The following SBF2 variants were observed in gnomAD, a reference collection of about 807,000 sequenced individuals.
The protein encoded by SBF2 is myotubularin-related protein 13.
Under a neutral mutation model 225.2 loss-of-function variants are expected in SBF2, and 112 were observed. The ratio of observed to expected loss-of-function variants is 0.50; its 90% CI spans 0.43 to 0.58. The LOEUF (loss-of-function observed/expected upper bound fraction) is 0.58. SBF2 is among the 20% of genes least tolerant of loss of function. The pLI is 0.00. For synonymous variants in SBF2, 763 were observed against 773.3 expected (o/e 0.99, Z 0.22); for missense variants, 1,996 against 2,206.2 (o/e 0.90, Z 1.91).
intron 2 of SBF2, among the ~76,000 whole-genome samples, chr11:10,179,235 T>C (rs56763303): frequency 0.09 from 13,565 of 150,328 alleles, 838 homozygotes; most frequent in East Asian, 0.27. Flanking sequence ...GGGAGATATA[T>C]CTAATGCTAG....
intron 26 of SBF2, among the ~76,000 whole-genome samples, chr11:9,833,750 TAACATAAAA>T (rs1258202344): frequency 3.5e-4 from 51 of 147,450 alleles, no homozygotes; most frequent in Non-Finnish European, 6.1e-4. Context: ...AAAATATACC[TAACATAAAA>T]TTTATCATGC....
chr11:10,242,994 G>A (rs909538235), intron 1 of SBF2, among the ~76,000 whole-genome samples: 2 of 152,056 alleles, frequency 1.3e-5, no homozygotes, highest in African/African-American at 4.8e-5. Context: ...CTAACAGACA[G>A]ATATAAAACA....
chr11:10,228,044 G>T (rs1215044950), intron 1 of SBF2, among the ~76,000 whole-genome samples: 1 of 151,222 alleles, frequency 6.6e-6, no homozygotes, highest in African/African-American at 2.4e-5. Context: ...CACATCCCTT[G>T]TAACTTGGAT....
At chr11:9,835,942 C>T (rs1281061383) in intron 26 of SBF2, among the ~76,000 whole-genome samples, 2 of 151,768 alleles carry the variant, frequency 1.3e-5, no homozygotes, top group Non-Finnish European at 2.9e-5. Flanking sequence ...CTTTTGGGAG[C>T]ACATATGTAT....
At chr11:10,234,339 C>G (rs1958975912) in intron 1 of SBF2, among the ~76,000 whole-genome samples, 1 of 152,066 alleles carries the variant, frequency 6.6e-6, no homozygotes. Context: ...TCTTGATTTT[C>G]TATAGCATAG....
chr11:9,789,514 A>C (rs919114827), intron 34 of SBF2, among the ~76,000 whole-genome samples, 172 bp from the exon 35 acceptor site: 2 of 152,218 alleles, frequency 1.3e-5, no homozygotes, highest in Non-Finnish European at 2.9e-5. Flanking sequence ...TTATTAAATA[A>C]AACATTCTCC....
rs547977266 is a variant in SBF2, at chr11:9,828,522, T to G, written c.3793+834A>C. ...CCACTTTCTGCTTATGTTGAGCTAA[T>G]TCAAATAGCTGATTAAGCCAAAGAG... On this transcript the variant is annotated intron_variant, in intron 28 of 39. Transcript: ENST00000256190. The G allele has an allele frequency of 2.2e-5, 22 of 985,470 alleles. No homozygotes were observed. In the South Asian group the frequency reaches 8.5e-4, roughly 38 times the overall value. 61.0% of individuals were successfully genotyped at this position (985,470 alleles called of 1,614,324 possible). A position where few individuals can be genotyped will look rare whatever the true frequency, so the allele number is the denominator to read the frequency against.
chr11:10,200,486 C>A (rs1207936667), intron 1 of SBF2, among the ~76,000 whole-genome samples: 1 of 152,046 alleles, frequency 6.6e-6, no homozygotes, highest in Admixed American at 6.6e-5. Context: ...TTGGTGGCCA[C>A]AAGACTCTTG....
intron 16 of SBF2, among the ~76,000 whole-genome samples, chr11:9,903,103 C>T (rs1413570586): frequency 1.3e-5 from 2 of 152,052 alleles, no homozygotes; most frequent in African/African-American, 2.4e-5. Flanking sequence ...AGGCGGATCA[C>T]GAGGTCAGGA....
chr11:9,807,927 G>T, intron 32 of SBF2, 73 bp downstream of exon 32: 3 of 1,339,294 alleles, frequency 2.2e-6, no homozygotes, highest in Non-Finnish European at 3.2e-6. Context: ...GCACACCATC[G>T]CAATGCTCCA....
intron 2 of SBF2, among the ~76,000 whole-genome samples, chr11:10,178,931 C>T (rs2135278258): frequency 6.9e-6 from 1 of 144,358 alleles, no homozygotes; most frequent in South Asian, 2.2e-4. Context: ...ATAGCAAAGA[C>T]TTGGAACCAA....
chr11:9,845,805 C>T, intron 23 of SBF2, 65 bp from the exon 24 acceptor site: 1 of 1,463,110 alleles, frequency 6.8e-7, no homozygotes, highest in Non-Finnish European at 9.6e-7. Flanking sequence ...TTCCCCCAAA[C>T]AACAGAATAT....
chr11:10,172,921 G>A (rs1956265858), intron 2 of SBF2, among the ~76,000 whole-genome samples: 1 of 152,152 alleles, frequency 6.6e-6, no homozygotes, highest in South Asian at 2.1e-4. Context: ...GCCCACCTTG[G>A]CCTCCCAAAG....
At chr11:10,055,524 TACACACACACACACACACACACACACAC>T (rs3993326) in intron 2 of SBF2, among the ~76,000 whole-genome samples, 42 of 133,854 alleles carry the variant, frequency 3.1e-4, no homozygotes, top group African/African-American at 1.2e-3. Flanking sequence ...AAGAAAATGA[TACACACACACACACACACACACACACAC>T]ACACACACAC....
chr11:10,088,905 TA>T (rs1293347878), intron 2 of SBF2, among the ~76,000 whole-genome samples: 1 of 152,224 alleles, frequency 6.6e-6, no homozygotes, highest in Non-Finnish European at 1.5e-5. Flanking sequence ...TTTTGGATCC[TA>T]AAACAGGCCT....
intron 16 of SBF2, among the ~76,000 whole-genome samples, chr11:9,909,554 C>G (rs1862416138): frequency 6.6e-6 from 1 of 151,766 alleles, no homozygotes; most frequent in Admixed American, 6.6e-5. Context: ...CCTGTAGTCC[C>G]AGCTACTCGG....
At chr11:9,931,152 A>G (rs916156309) in intron 16 of SBF2, among the ~76,000 whole-genome samples, 4 of 152,258 alleles carry the variant, frequency 2.6e-5, no homozygotes, top group Non-Finnish European at 5.9e-5. Context: ...TACTGCCTCT[A>G]TGGACTCCAC....
At chr11:10,245,705 T>G (rs1258490938) in intron 1 of SBF2, among the ~76,000 whole-genome samples, 1 of 152,216 alleles carries the variant, frequency 6.6e-6, no homozygotes, top group Non-Finnish European at 1.5e-5. Context: ...CCATGCTCAC[T>G]GCAGCATTAA....
At chr11:10,153,514 G>A (rs1028930074) in intron 2 of SBF2, among the ~76,000 whole-genome samples, 5 of 152,106 alleles carry the variant, frequency 3.3e-5, no homozygotes, top group Non-Finnish European at 5.9e-5. Context: ...TTTGTGAGAT[G>A]CAGTTAAAGC....
Sources: gnomAD v4.1 joint callset for allele counts (sites outside exome capture counted in the v4.1 genomes callset) on GRCh38, gnomAD v4.1.1 for gene constraint, MANE v1.5 for transcripts, NCBI Gene and HGNC (gene_info 2026-07-23, HGNC 2026-07-21) for gene names.